DDX46: variants seen among roughly 807,000 people sequenced by gnomAD.
DDX46 encodes the protein probable ATP-dependent RNA helicase DDX46.
In DDX46, 30 loss-of-function variants were observed where a neutral mutation model predicts 134.9. The ratio of observed to expected loss-of-function variants is 0.22; its 90% CI spans 0.17 to 0.30. DDX46 has a LOEUF of 0.30. Among genes scored for constraint, DDX46 ranks in the 10% least tolerant of loss-of-function variants. The pLI, the probability that DDX46 is intolerant of heterozygous loss-of-function variation, is 1.00. For missense variants in DDX46, 622 were observed against 1,248.7 expected, an observed-to-expected ratio of 0.50 and a Z score of 7.56; for synonymous variants, 415 against 404.1, an observed-to-expected ratio of 1.03 and a Z score of -0.32.
chr5:134,760,770 G>A (rs1003731360), intron 1 of DDX46, among the ~76,000 whole-genome samples: 11 of 151,946 alleles, frequency 7.2e-5, no homozygotes, highest in African/African-American at 1.7e-4. Flanking sequence ...TCGCTCTTTC[G>A]CCAGGCTGGA....
intron 2 of DDX46, among the ~76,000 whole-genome samples, chr5:134,765,326 A>G (rs1484569307): frequency 1.3e-5 from 2 of 150,592 alleles, no homozygotes; most frequent in Non-Finnish European, 3.0e-5. Flanking sequence ...TGGGTGAATC[A>G]CGAGGTCAGG....
intron 3 of DDX46, among the ~76,000 whole-genome samples, chr5:134,768,932 C>T (rs1030164898): frequency 1.3e-5 from 2 of 152,080 alleles, no homozygotes; most frequent in African/African-American, 4.8e-5. Flanking sequence ...GTGGCACACA[C>T]CTGTGATCCC....
intron 16 of DDX46, among the ~76,000 whole-genome samples, chr5:134,809,460 C>T (rs1191755629): frequency 6.6e-6 from 1 of 152,044 alleles, no homozygotes; most frequent in Non-Finnish European, 1.5e-5. Flanking sequence ...CTCTCCCTCC[C>T]AGGTTCAAAC....
In DDX46 at chr5:134,811,693, AAGG is replaced by A; in HGVS notation, c.2288_2290del (p.Glu763del). On this transcript the variant is annotated splice_acceptor_variant and coding_sequence_variant, in exon 18 of 23. Transcript: ENST00000452510. LOFTEE classifies it high-confidence loss of function. ...GATTAACTTCGTTTTCTTTTTTTGA[AAGG>A]AGGGGAAAATAATTAAAAAGAGTAG... The A allele has an allele frequency of 6.3e-7, 1 of 1,580,002 alleles. No individual in the cohort carries two copies. Among genetic ancestry groups the A allele is most frequent in the Non-Finnish European group, 8.5e-7 (1 of 1,170,110 alleles).
intron 11 of DDX46, among the ~76,000 whole-genome samples, chr5:134,785,826 A>C (rs1235378091): frequency 6.6e-6 from 1 of 152,006 alleles, no homozygotes; most frequent in East Asian, 1.9e-4. Context: ...AAATTCGCTA[A>C]GCCAGTAGAT....
At chr5:134,812,219 C>G (rs1755165545) in intron 18 of DDX46, among the ~76,000 whole-genome samples, 1 of 151,884 alleles carries the variant, frequency 6.6e-6, no homozygotes, top group Non-Finnish European at 1.5e-5. Context: ...CATCCACCAC[C>G]ACGCCTGGCT....
chr5:134,826,028 C>T (rs1163187659), intron 21 of DDX46: 1 of 152,142 alleles, frequency 6.6e-6, no homozygotes, highest in African/African-American at 2.4e-5. Context: ...CTTGTCCATT[C>T]TACCTCAAAA....
Position 134,777,624 on chromosome 5 carries a change from G to A in DDX46, c.664G>A (p.Gly222Ser). The A allele has an allele frequency of 6.2e-7, 1 of 1,613,450 alleles. No individual in the cohort carries two copies. ...TGAAAAGGAGGGAAATGAAATGGAG[G>A]GTGAGGAGTTAGATCCATTAGATGC... is the stretch of plus-strand genomic sequence containing the variant. ...EAEKEGNEME[G>S]EELDPLDAYM... is the part of the protein sequence containing the mutation. Residue 222 changes from glycine (G) to serine (S), a missense_variant, in exon 6 of 23, where the codon GGT (glycine) becomes AGT (serine). By Grantham distance (56) the Gly-to-Ser change is moderately conservative. Coordinates refer to ENST00000452510, the MANE Select transcript of DDX46 (RefSeq NM_001300860.2).
chr5:134,784,319 C>T, intron 9 of DDX46, 47 bp from the exon 10 acceptor site: 1 of 1,554,786 alleles, frequency 6.4e-7, no homozygotes, highest in Non-Finnish European at 8.7e-7. Flanking sequence ...GTCTGGGGCC[C>T]AGCAATCTCA....
intron 5 of DDX46, among the ~76,000 whole-genome samples, chr5:134,776,118 G>A (rs919903320): frequency 2.6e-5 from 4 of 152,154 alleles, no homozygotes; most frequent in Non-Finnish European, 4.4e-5. Flanking sequence ...GAGGCTGGGC[G>A]CGCTGGTGCA....
chr5:134,827,033 CT>C lies in DDX46; in HGVS notation c.3051+15del. On this transcript the variant is annotated intron_variant, in intron 22 of 22. Transcript: ENST00000452510. Reference sequence around the variant, plus strand: ...GCTGATCCGGCTGGTGAGTGAAAACCTTAAAGTTTCGTTTGTTTTGTTTTAA... The same window carrying C: ...GCTGATCCGGCTGGTGAGTGAAAACCTAAAGTTTCGTTTGTTTTGTTTTAA... 6.2e-7 allele frequency: 1 copy of C among 1,605,204 alleles called. No individual in the cohort carries two copies. The highest frequency in any genetic ancestry group is 1.3e-5 in the African/African-American group (1 of 74,652).
At chr5:134,785,171 A>T (rs1754293017) in intron 10 of DDX46, among the ~76,000 whole-genome samples, 1 of 152,078 alleles carries the variant, frequency 6.6e-6, no homozygotes, top group African/African-American at 2.4e-5. Context: ...TTGTTCTGTG[A>T]TTTGCATTAG....
chr5:134,770,376 A>G (rs1484090393), intron 3 of DDX46, among the ~76,000 whole-genome samples: 2 of 151,508 alleles, frequency 1.3e-5, no homozygotes, highest in Non-Finnish European at 2.9e-5. Context: ...ATACCCAGCT[A>G]ATTCTTAGTA....
rs1269795017 is a variant in DDX46 at position 134,829,479 on chromosome 5, T to G, written c.*773T>G. On this transcript the variant is annotated 3_prime_UTR_variant, in exon 23 of 23. Coordinates refer to ENST00000452510, the MANE Select transcript of DDX46 (RefSeq NM_001300860.2). ...TATGATACCTTTTCCTTCTAGAAAG[T>G]GTTTATTTATATATCTATACATGTT... 6.6e-6 allele frequency: 1 copy of G among 152,022 alleles called. No individual in the cohort carries two copies. Among genetic ancestry groups the G allele is most frequent in the African/African-American group, 2.4e-5 (1 of 41,352 alleles). The allele number at this position is 152,022 out of a possible 1,614,324, so 9.4% of individuals were successfully genotyped here. A position where few individuals can be genotyped will look rare whatever the true frequency, so the allele number is the denominator to read the frequency against.
At chr5:134,802,905 G>C (rs1237685330) in intron 15 of DDX46, among the ~76,000 whole-genome samples, 1 of 152,142 alleles carries the variant, frequency 6.6e-6, no homozygotes, top group Admixed American at 6.5e-5. Context: ...TTGTTTTTGT[G>C]TGGTTTCCAA....
At chr5:134,769,748 T>C (rs1753701412) in intron 3 of DDX46, among the ~76,000 whole-genome samples, 1 of 151,990 alleles carries the variant, frequency 6.6e-6, no homozygotes, top group African/African-American at 2.4e-5. Context: ...GGTTTCACCA[T>C]GTTGGTCAGG....
chr5:134,779,268 A>G (rs555868906), intron 6 of DDX46, among the ~76,000 whole-genome samples: 5 of 151,906 alleles, frequency 3.3e-5, no homozygotes, highest in Non-Finnish European at 7.4e-5. Context: ...ATCTCTGCTC[A>G]CTGCACCCTG....
intron 1 of DDX46, 148 bp from the exon 2 acceptor site, chr5:134,763,756 A>T: frequency 8.4e-6 from 8 of 951,436 alleles, no homozygotes; most frequent in Non-Finnish European, 1.2e-5. Flanking sequence ...AGAAGGGTTC[A>T]TTTTTTCCCT....
At position 134,758,969 on chromosome 5, in the gene DDX46, C is replaced by T. The variant is rs1753289343; in HGVS notation, c.17+14C>T. ...TCGGGAGTCACGGTGAGGCAGAGCG[C>T]CGAGCGGGCTAGCGGGCGAGCGGCT... On this transcript the variant is annotated intron_variant, in intron 1 of 22. Coordinates refer to ENST00000452510, the MANE Select transcript of DDX46 (RefSeq NM_001300860.2). 1.9e-6 allele frequency: 3 copies of T among 1,610,852 alleles called. No homozygotes were observed. In the East Asian group the frequency reaches 6.7e-5, roughly 36 times the overall value.
Sources: allele counts gnomAD v4.1 joint callset (sites outside exome capture counted in the v4.1 genomes callset), GRCh38; gene constraint gnomAD v4.1.1; transcripts MANE v1.5; gene names NCBI Gene and HGNC (gene_info 2026-07-23, HGNC 2026-07-21).